The following SCFD2 variants were observed in gnomAD, a reference collection of about 807,000 sequenced individuals.
The protein encoded by SCFD2 is sec1 family domain-containing protein 2.
A neutral mutation model predicts 58.9 loss-of-function variants in SCFD2; 54 were observed. That is an observed-to-expected ratio of 0.92 (90% CI 0.74 to 1.15). The LOEUF is 1.15. SCFD2 is among the 50% of genes most tolerant of loss of function. The pLI is 0.00. For missense variants in SCFD2, 805 were observed against 836.6 expected (o/e 0.96, Z 0.47); for synonymous variants, 321 against 335.9 (o/e 0.96, Z 0.49).
At chr4:53,334,963 A>G (rs1046672009) in intron 2 of SCFD2, among the ~76,000 whole-genome samples, 1 of 152,092 alleles carries the variant, frequency 6.6e-6, no homozygotes, top group Non-Finnish European at 1.5e-5. Context: ...TTGGGAGGCC[A>G]AGGCAGGTGG....
intron 4 of SCFD2, among the ~76,000 whole-genome samples, chr4:53,204,126 C>T (rs543141097): frequency 6.6e-6 from 1 of 152,176 alleles, no homozygotes; most frequent in Admixed American, 6.6e-5. Flanking sequence ...CAACAAACCT[C>T]ATTCTATAGT....
At chr4:52,884,894 G>A (rs1373345470) in intron 8 of SCFD2, among the ~76,000 whole-genome samples, 1 of 152,166 alleles carries the variant, frequency 6.6e-6, no homozygotes, top group East Asian at 1.9e-4. Context: ...TCTGAGCCAG[G>A]CACAGTGCTA....
At chr4:53,183,716 T>C (rs1439636454) in intron 4 of SCFD2, among the ~76,000 whole-genome samples, 1 of 151,708 alleles carries the variant, frequency 6.6e-6, no homozygotes, top group Non-Finnish European at 1.5e-5. Flanking sequence ...AATAAGAACA[T>C]GCCTAAACTT....
chr4:53,305,190 ATTT>A lies in SCFD2; in HGVS notation c.1135+8443_1135+8445del, dbSNP rs540699443. Reference sequence around the variant, plus strand: ...CATTATATACATATGTATTTTTTAAATTTTTTTATTTTTTCAAAAAATCATTGC... The same window carrying A: ...CATTATATACATATGTATTTTTTAAATTTTATTTTTTCAAAAAATCATTGC... On this transcript the variant is annotated intron_variant, in intron 3 of 8. Transcript: ENST00000401642. 5.4e-3 allele frequency among the ~76,000 whole-genome samples: 814 copies of A among 152,088 alleles called. 12 individuals carry two copies. The highest frequency in any genetic ancestry group is 0.019 in the African/African-American group (770 of 41,516).
At chr4:53,237,008 CT>C (rs1474272743) in intron 4 of SCFD2, among the ~76,000 whole-genome samples, 2 of 150,246 alleles carry the variant, frequency 1.3e-5, no homozygotes, top group Non-Finnish European at 3.0e-5. Flanking sequence ...GTTTGTGTCC[CT>C]GGGTACTTGA....
At chr4:53,228,889 ATCT>A (rs1158745994) in intron 4 of SCFD2, among the ~76,000 whole-genome samples, 1 of 152,232 alleles carries the variant, frequency 6.6e-6, no homozygotes, top group African/African-American at 2.4e-5. Context: ...TCAGCCCAAA[ATCT>A]TCTTCAGCTG....
chr4:53,231,211 T>C (rs1445658378), intron 4 of SCFD2, among the ~76,000 whole-genome samples: 2 of 152,174 alleles, frequency 1.3e-5, no homozygotes, highest in East Asian at 3.8e-4. Context: ...GAACAAAGTG[T>C]TTCAGACCTA....
chr4:53,078,795 T>C (rs1724056606), intron 5 of SCFD2, among the ~76,000 whole-genome samples: 1 of 152,170 alleles, frequency 6.6e-6, no homozygotes, highest in South Asian at 2.1e-4. Flanking sequence ...TATTTACTAA[T>C]ATAATAAAAA....
rs781205409 is a variant in SCFD2, at chr4:52,874,042, C to T, written c.1982G>A (p.Arg661Gln). ...PGTQVIVLST[R>Q]LLKPLNIPEL... The stretch of plus-strand genomic sequence containing the variant: ...AGGAATGTTAAGTGGCTTCAGGAGT[C>T]GTGTGGACAGCACGATTACCTAACA... The change falls in exon 9 of 9, where the codon CGA becomes CAA. Residue 661 changes from arginine to glutamine, a missense_variant. Arg to Gln is a conservative substitution (Grantham distance 43). Transcript: ENST00000401642. 6 of 1,613,788 alleles carry T rather than the reference C, an allele frequency of 3.7e-6. No homozygotes were observed. The highest frequency in any genetic ancestry group is 1.7e-5 in the Admixed American group (1 of 60,032).
intron 2 of SCFD2, among the ~76,000 whole-genome samples, chr4:53,339,715 G>C (rs1733803274): frequency 6.6e-6 from 1 of 151,730 alleles, no homozygotes; most frequent in Non-Finnish European, 1.5e-5. Context: ...GGTTGCAGTG[G>C]GCCAAGATTG....
At chr4:53,215,278 G>C (rs1405036419) in intron 4 of SCFD2, among the ~76,000 whole-genome samples, 2 of 152,056 alleles carry the variant, frequency 1.3e-5, no homozygotes, top group African/African-American at 2.4e-5. Flanking sequence ...ATTCTTCCTA[G>C]ACATGAGCAT....
chr4:53,135,118 G>A (rs1481420839), intron 5 of SCFD2, among the ~76,000 whole-genome samples: 2 of 151,882 alleles, frequency 1.3e-5, no homozygotes, highest in Non-Finnish European at 2.9e-5. Context: ...AGATCATTGG[G>A]TACTTTCCCT....
chr4:53,005,278 T>A (rs1477325332), intron 5 of SCFD2, among the ~76,000 whole-genome samples: 1 of 152,170 alleles, frequency 6.6e-6, no homozygotes, highest in Non-Finnish European at 1.5e-5. Context: ...TGGAGAGAGC[T>A]GCTAATTCTG....
At chr4:53,138,855 TC>T (rs927444529) in intron 5 of SCFD2, among the ~76,000 whole-genome samples, 3 of 134,864 alleles carry the variant, frequency 2.2e-5, no homozygotes, top group Non-Finnish European at 3.2e-5. Flanking sequence ...AAAATCCCTC[TC>T]CCCCTCCCCC....
At chr4:53,174,923 T>C (rs1347736729) in intron 4 of SCFD2, among the ~76,000 whole-genome samples, 1 of 148,446 alleles carries the variant, frequency 6.7e-6, no homozygotes, top group East Asian at 2.0e-4. Context: ...GTTCTGCCTA[T>C]GCCGTACAGC....
At chr4:52,881,644 A>G (rs1202114925) in intron 8 of SCFD2, among the ~76,000 whole-genome samples, 1 of 152,236 alleles carries the variant, frequency 6.6e-6, no homozygotes, top group African/African-American at 2.4e-5. Context: ...GTGGTTCCAA[A>G]GAGCACCCAC....
intron 3 of SCFD2, among the ~76,000 whole-genome samples, chr4:53,290,907 T>A (rs1162086015): frequency 6.6e-6 from 1 of 152,022 alleles, no homozygotes; most frequent in African/African-American, 2.4e-5. Flanking sequence ...TAATAAGCAA[T>A]TAAAGTTTGA....
chr4:53,013,398 C>A (rs748351206), intron 5 of SCFD2, among the ~76,000 whole-genome samples: 3 of 152,160 alleles, frequency 2.0e-5, no homozygotes, highest in Non-Finnish European at 4.4e-5. Context: ...ATAAATGTCA[C>A]CTTGTACCCT....
intron 4 of SCFD2, among the ~76,000 whole-genome samples, chr4:53,201,419 T>A (rs1728234862): frequency 6.6e-6 from 1 of 152,220 alleles, no homozygotes; most frequent in Admixed American, 6.5e-5. Flanking sequence ...TAATCCAGTC[T>A]ATCATTGTTG....
Sources: gnomAD v4.1 joint callset for allele counts (sites outside exome capture counted in the v4.1 genomes callset) on GRCh38, gnomAD v4.1.1 for gene constraint, MANE v1.5 for transcripts, NCBI Gene and HGNC (gene_info 2026-07-23, HGNC 2026-07-21) for gene names.